Variants in ZNF654 observed in about 807,000 individuals in gnomAD.
The protein encoded by ZNF654 is zinc finger protein 654, also known as melanoma-associated antigen.
In ZNF654, 19 loss-of-function variants were observed where a neutral mutation model predicts 95.3. The ratio of observed to expected loss-of-function variants is 0.20; its 90% CI spans 0.14 to 0.29. The LOEUF (loss-of-function observed/expected upper bound fraction) is 0.29. ZNF654 is among the 10% of genes least tolerant of loss of function. The pLI, the probability that ZNF654 is intolerant of heterozygous loss-of-function variation, is 1.00. For synonymous variants in ZNF654, 413 were observed against 457.9 expected (o/e 0.90, Z 1.25); for missense variants, 1,046 against 1,341.0 (o/e 0.78, Z 3.44).
chr3:88,134,932 G>T, intron 6 of ZNF654, 129 bp from the exon 7 acceptor site: 1 of 525,678 alleles, frequency 1.9e-6, no homozygotes, highest in Non-Finnish European at 3.0e-6. Context: ...GTAGTTTGGG[G>T]GTGAACGTAA....
chr3:88,119,715 T>C (rs1559723244), intron 3 of ZNF654, among the ~76,000 whole-genome samples: 2 of 152,178 alleles, frequency 1.3e-5, no homozygotes, highest in Non-Finnish European at 2.9e-5. Context: ...TGCATGCACC[T>C]TAATTCTGCT....
intron 1 of ZNF654, among the ~76,000 whole-genome samples, chr3:88,078,172 A>T (rs1207393130): frequency 2.0e-5 from 3 of 152,188 alleles, no homozygotes; most frequent in Admixed American, 2.0e-4. Context: ...TTCCTCTTGG[A>T]TGGAATTAAT....
chr3:88,059,851 C>G (rs369190713), intron 1 of ZNF654, among the ~76,000 whole-genome samples: 1 of 152,118 alleles, frequency 6.6e-6, no homozygotes, highest in African/African-American at 2.4e-5. Context: ...TGTTTCCTAC[C>G]CTGGTCTTTC....
intron 2 of ZNF654, among the ~76,000 whole-genome samples, chr3:88,095,217 T>A (rs1703986706): frequency 1.3e-5 from 2 of 152,164 alleles, no homozygotes; most frequent in Admixed American, 1.3e-4. Flanking sequence ...TTTCCTTTTT[T>A]ATTTTTTCCC....
intron 1 of ZNF654, among the ~76,000 whole-genome samples, chr3:88,075,159 G>A (rs371168270): frequency 2.1e-4 from 32 of 152,192 alleles, no homozygotes; most frequent in East Asian, 9.6e-4. Flanking sequence ...TTTCTTCTGT[G>A]TTTTCCTGGC....
At position 88,142,682 on chromosome 3, in the gene ZNF654, TATTAGGAGAGGTAATTCC is replaced by T. The variant is rs1297083675; in HGVS notation, c.*1032_*1049del. 2 of 152,340 alleles carry T rather than the reference TATTAGGAGAGGTAATTCC, an allele frequency of 1.3e-5. No individual in the cohort carries two copies. The highest frequency in any genetic ancestry group is 2.9e-5 in the Non-Finnish European group (2 of 67,810). 9.4% of individuals were successfully genotyped at this position (152,340 alleles called of 1,614,324 possible). On this transcript the variant is annotated 3_prime_UTR_variant, in exon 9 of 9. Coordinates refer to ENST00000636215, the MANE Select transcript of ZNF654 (RefSeq NM_001350134.2). ...GGTTGAGAAATCATTCATTTTATTC[TATTAGGAGAGGTAATTCC>T]AAAATAAGCCATACTATTCCTGTTT...
At chr3:88,064,883 TGAAAAG>T (rs999529857) in intron 1 of ZNF654, among the ~76,000 whole-genome samples, 20 of 152,236 alleles carry the variant, frequency 1.3e-4, no homozygotes, top group African/African-American at 4.8e-4. Flanking sequence ...ATATGAAAGA[TGAAAAG>T]GAAAGTATTG....
At chr3:88,102,813 C>T (rs2107723965) in intron 2 of ZNF654, among the ~76,000 whole-genome samples, 1 of 86,238 alleles carries the variant, frequency 1.2e-5, no homozygotes, top group African/African-American at 3.6e-5. Flanking sequence ...TCAACCTCTA[C>T]TGTCTTTTTT....
intron 1 of ZNF654, among the ~76,000 whole-genome samples, chr3:88,083,050 T>TCCC (rs1328998776): frequency 6.7e-6 from 1 of 149,806 alleles, no homozygotes; most frequent in Non-Finnish European, 1.5e-5. Context: ...TCACTCCTCC[T>TCCC]CCCTCTTCCT....
At chr3:88,086,753 A>T (rs890606508) in intron 2 of ZNF654, among the ~76,000 whole-genome samples, 1 of 152,156 alleles carries the variant, frequency 6.6e-6, no homozygotes. Flanking sequence ...CAGGTCAGAA[A>T]GAGGTTAGGA....
At chr3:88,121,807 C>G (rs140088096) in intron 3 of ZNF654, among the ~76,000 whole-genome samples, 150 of 152,224 alleles carry the variant, frequency 9.9e-4, no homozygotes, top group African/African-American at 3.6e-3. Context: ...TCTTAATTTG[C>G]TGCAGTAACT....
At chr3:88,099,422 A>G (rs527299896) in intron 2 of ZNF654, among the ~76,000 whole-genome samples, 2 of 152,352 alleles carry the variant, frequency 1.3e-5, no homozygotes, top group East Asian at 1.9e-4. Context: ...TATAGATTCA[A>G]TGCCATTCCC....
chr3:88,136,006 T>C (rs1252208801), intron 7 of ZNF654, among the ~76,000 whole-genome samples: 2 of 152,142 alleles, frequency 1.3e-5, no homozygotes, highest in African/African-American at 4.8e-5. Context: ...GTAGTGATCA[T>C]ATTCCCATGA....
At chr3:88,074,271 C>T (rs1413537095) in intron 1 of ZNF654, among the ~76,000 whole-genome samples, 2 of 151,876 alleles carry the variant, frequency 1.3e-5, no homozygotes, top group Admixed American at 6.6e-5. Context: ...GGTTTTCTTC[C>T]TCTGATTGGG....
intron 1 of ZNF654, among the ~76,000 whole-genome samples, chr3:88,067,784 G>A (rs1254910324): frequency 3.3e-5 from 5 of 152,162 alleles, no homozygotes; most frequent in South Asian, 4.1e-4. Context: ...AGAGTGGGAG[G>A]TGAAGGAATA....
At chr3:88,061,852 C>G (rs1706903492) in intron 1 of ZNF654, among the ~76,000 whole-genome samples, 1 of 152,014 alleles carries the variant, frequency 6.6e-6, no homozygotes, top group African/African-American at 2.4e-5. Context: ...GGATATTGTG[C>G]AGTTGGGGTA....
chr3:88,118,889 G>A (rs1326602808), intron 3 of ZNF654, among the ~76,000 whole-genome samples: 1 of 151,346 alleles, frequency 6.6e-6, no homozygotes, highest in Non-Finnish European at 1.5e-5. Flanking sequence ...GAAACAACAG[G>A]TGCTGGAGAG....
intron 2 of ZNF654, among the ~76,000 whole-genome samples, chr3:88,087,137 G>C (rs1384515578): frequency 1.3e-5 from 2 of 151,954 alleles, no homozygotes; most frequent in African/African-American, 4.8e-5. Flanking sequence ...GGAGTGCAGT[G>C]GTGTGATCTT....
intron 1 of ZNF654, among the ~76,000 whole-genome samples, chr3:88,072,947 G>T (rs184939599): frequency 2.1e-5 from 3 of 145,930 alleles, no homozygotes; most frequent in African/African-American, 7.5e-5. Flanking sequence ...GATGAAATAG[G>T]ATTTGACTTG....
Sources: gnomAD v4.1 joint callset for allele counts (sites outside exome capture counted in the v4.1 genomes callset) on GRCh38, gnomAD v4.1.1 for gene constraint, MANE v1.5 for transcripts, NCBI Gene and HGNC (gene_info 2026-07-23, HGNC 2026-07-21) for gene names.